CHRM5: variants seen among roughly 807,000 people sequenced by gnomAD.
CHRM5 encodes the protein muscarinic acetylcholine receptor M5.
A neutral mutation model predicts 39.0 loss-of-function variants in CHRM5; 18 were observed. The observed-to-expected ratio is 0.46, with a 90% CI of 0.32 to 0.68. The LOEUF (loss-of-function observed/expected upper bound fraction) is 0.68. Among genes scored for constraint, CHRM5 ranks in the 30% least tolerant of loss-of-function variants. The pLI, the probability that CHRM5 is intolerant of heterozygous loss-of-function variation, is 0.04. For missense variants in CHRM5, 515 were observed against 651.1 expected, an observed-to-expected ratio of 0.79 and a Z score of 2.28; for synonymous variants, 241 against 246.3, an observed-to-expected ratio of 0.98 and a Z score of 0.20.
intron 1 of CHRM5, among the ~76,000 whole-genome samples, chr15:33,975,420 T>A (rs1041279047): frequency 6.6e-6 from 1 of 152,196 alleles, no homozygotes; most frequent in Non-Finnish European, 1.5e-5. Context: ...TGCCTAAACA[T>A]TGATCAAGCA....
rs541351183 is a variant in CHRM5 at position 34,067,246 on chromosome 15, T to A, written c.*2930T>A. 2.6e-5 allele frequency: 4 copies of A among 152,256 alleles called. No homozygotes were observed. Among genetic ancestry groups the A allele is most frequent in the South Asian group, 2.1e-4 (1 of 4,834 alleles). 9.4% of individuals were successfully genotyped at this position (152,256 alleles called of 1,614,324 possible). A position where few individuals can be genotyped will look rare whatever the true frequency, so the allele number is the denominator to read the frequency against. ...GGTTGAACAAAGCATTTTGTCAATA[T>A]TCTCAGCTTTTGCTTCGCTCCTTTG... On this transcript the variant is annotated 3_prime_UTR_variant, in exon 3 of 3. Coordinates refer to ENST00000383263, the MANE Select transcript of CHRM5 (RefSeq NM_012125.4).
intron 1 of CHRM5, among the ~76,000 whole-genome samples, chr15:34,002,276 A>C (rs1332707939): frequency 6.6e-6 from 1 of 152,198 alleles, no homozygotes; most frequent in Non-Finnish European, 1.5e-5. Flanking sequence ...CAGTGTCAGC[A>C]TCCCAGGGAT....
chr15:34,060,964 C>G (rs139338888), intron 2 of CHRM5, among the ~76,000 whole-genome samples: 3,153 of 149,978 alleles, frequency 0.021, 87 homozygotes, highest in African/African-American at 0.052. Context: ...TGCAGTGAGC[C>G]GAGATAGCGC....
chr15:33,979,253 G>A (rs1478455126), intron 1 of CHRM5, among the ~76,000 whole-genome samples: 1 of 152,160 alleles, frequency 6.6e-6, no homozygotes, highest in Non-Finnish European at 1.5e-5. Context: ...CAGGCACGGT[G>A]TCCCATGCCT....
At chr15:34,055,761 A>G (rs1006559728) in intron 2 of CHRM5, among the ~76,000 whole-genome samples, 16 of 152,202 alleles carry the variant, frequency 1.1e-4, no homozygotes, top group African/African-American at 3.4e-4. Context: ...AGATCACACC[A>G]CTGCACTCCA....
At chr15:33,991,040 T>C (rs1896698778) in intron 1 of CHRM5, 1 of 152,206 alleles carries the variant, frequency 6.6e-6, no homozygotes, top group African/African-American at 2.4e-5. Context: ...ACCAGATCCA[T>C]TCATATGAAA....
rs184054281 is a variant in CHRM5 at position 34,066,345 on chromosome 15, G to A, written c.*2029G>A. On this transcript the variant is annotated 3_prime_UTR_variant, in exon 3 of 3. Coordinates refer to ENST00000383263, the MANE Select transcript of CHRM5 (RefSeq NM_012125.4). ...AGATGAAAACCCCTTCATGAGAATA[G>A]GCTTTTAAGCCCATGTTGGGCATTC... 6.6e-6 allele frequency: 1 copy of A among 152,358 alleles called. No homozygotes were observed. The highest frequency in any genetic ancestry group is 1.5e-5 in the Non-Finnish European group (1 of 68,040). The allele number at this position is 152,358 out of a possible 1,614,324, so 9.4% of individuals were successfully genotyped here.
intron 1 of CHRM5, among the ~76,000 whole-genome samples, chr15:33,983,214 A>ATGTGTG (rs747006623): frequency 1.6e-4 from 9 of 58,050 alleles, no homozygotes; most frequent in East Asian, 9.9e-4. Flanking sequence ...ATATATATAT[A>ATGTGTG]CATATATATA....
intron 1 of CHRM5, among the ~76,000 whole-genome samples, chr15:33,978,973 AAAAC>A (rs1896015807): frequency 6.6e-6 from 1 of 152,162 alleles, no homozygotes; most frequent in African/African-American, 2.4e-5. Context: ...GATAAATAAA[AAAAC>A]AGACAATAAA....
At chr15:34,041,742 T>C (rs1313383326) in intron 1 of CHRM5, among the ~76,000 whole-genome samples, 1 of 152,214 alleles carries the variant, frequency 6.6e-6, no homozygotes, top group East Asian at 1.9e-4. Context: ...ATCTTCAAAA[T>C]ATCCCTATGA....
chr15:34,008,438 A>G (rs1338816655), intron 1 of CHRM5, among the ~76,000 whole-genome samples: 2 of 151,062 alleles, frequency 1.3e-5, no homozygotes, highest in Non-Finnish European at 2.9e-5. Context: ...AAAAAAAAAA[A>G]GAAGAAAAAT....
chr15:33,978,880 A>G (rs1896010758), intron 1 of CHRM5, among the ~76,000 whole-genome samples: 1 of 152,110 alleles, frequency 6.6e-6, no homozygotes, highest in Non-Finnish European at 1.5e-5. Flanking sequence ...AAGTCTAACA[A>G]GAACAAACAT....
intron 2 of CHRM5, among the ~76,000 whole-genome samples, chr15:34,053,417 A>G (rs1358157978): frequency 6.7e-6 from 1 of 150,356 alleles, no homozygotes; most frequent in East Asian, 1.9e-4. Flanking sequence ...CGTGCTACCT[A>G]CTTCCAAACT....
intron 1 of CHRM5, among the ~76,000 whole-genome samples, chr15:34,043,354 G>C (rs1278717025): frequency 6.6e-6 from 1 of 152,148 alleles, no homozygotes; most frequent in South Asian, 2.1e-4. Flanking sequence ...CAAATATAAA[G>C]TTTGTGGGGA....
chr15:34,015,335 T>C (rs1446167098), intron 1 of CHRM5, among the ~76,000 whole-genome samples: 1 of 151,740 alleles, frequency 6.6e-6, no homozygotes, highest in Non-Finnish European at 1.5e-5. Flanking sequence ...TACAAAAAAT[T>C]AGCCAGGTGC....
At chr15:33,973,175 A>C (rs543671052) in intron 1 of CHRM5, among the ~76,000 whole-genome samples, 18 of 152,354 alleles carry the variant, frequency 1.2e-4, no homozygotes, top group African/African-American at 3.8e-4. Flanking sequence ...TGTCATCATC[A>C]GACTACGTGG....
At position 33,985,529 on chromosome 15, in the gene CHRM5, G is replaced by A. The variant is rs74974811; in HGVS notation, c.-408+16379G>A. On this transcript the variant is annotated intron_variant, in intron 1 of 2. Transcript: ENST00000383263. ...GGTTGCTTGCTGGAAACACAACTAT[G>A]AGAAATTCAGACAAAGAGCAGTCAG... Among the ~76,000 whole-genome samples the A allele has an allele frequency of 7.5e-3, 1,137 of 152,000 alleles. 16 individuals are homozygous for A. Among genetic ancestry groups the A allele is most frequent in the African/African-American group, 0.026 (1,098 of 41,490 alleles).
intron 2 of CHRM5, among the ~76,000 whole-genome samples, chr15:34,057,704 G>A (rs1393813775): frequency 6.6e-6 from 1 of 152,188 alleles, no homozygotes; most frequent in Non-Finnish European, 1.5e-5. Context: ...GGCTGAGGCA[G>A]GAGGATCGCT....
chr15:34,038,025 A>C (rs905636511), intron 1 of CHRM5, among the ~76,000 whole-genome samples: 6 of 152,348 alleles, frequency 3.9e-5, no homozygotes, highest in Non-Finnish European at 7.4e-5. Context: ...CCCCATATAT[A>C]TCATCCCCTG....
Sources: gnomAD v4.1 joint callset for allele counts (sites outside exome capture counted in the v4.1 genomes callset) on GRCh38, gnomAD v4.1.1 for gene constraint, MANE v1.5 for transcripts, NCBI Gene and HGNC (gene_info 2026-07-23, HGNC 2026-07-21) for gene names.